CTIF: variants seen among roughly 807,000 people sequenced by gnomAD.
CTIF encodes cap binding complex dependent translation initiation factor.
A neutral mutation model predicts 66.0 loss-of-function variants in CTIF; 21 were observed. The observed-to-expected ratio is 0.32, with a 90% confidence interval of 0.23 to 0.46. The LOEUF is 0.46. CTIF is among the 20% of genes least tolerant of loss of function. The probability of loss-of-function intolerance (pLI) is 1.00; values close to 1 mark genes in which losing one functional copy is unlikely to be tolerated. For missense variants in CTIF, 739 were observed against 812.7 expected, an observed-to-expected ratio of 0.91 and a Z score of 1.10; for synonymous variants, 345 against 326.4, an observed-to-expected ratio of 1.06 and a Z score of -0.62.
At chr18:48,671,530 C>T (rs2091534509) in intron 6 of CTIF, among the ~76,000 whole-genome samples, 1 of 152,150 alleles carries the variant, frequency 6.6e-6, no homozygotes. Context: ...TTTGTTTCTT[C>T]TCTGTTCATG....
chr18:48,788,461 G>C (rs1911916855), intron 9 of CTIF, among the ~76,000 whole-genome samples: 1 of 152,156 alleles, frequency 6.6e-6, no homozygotes, highest in African/African-American at 2.4e-5. Context: ...AAGCCACTGA[G>C]GGCCTTTTAG....
intron 3 of CTIF, among the ~76,000 whole-genome samples, chr18:48,663,021 G>A (rs1354513010): frequency 6.6e-6 from 1 of 152,122 alleles, no homozygotes; most frequent in East Asian, 1.9e-4. Flanking sequence ...GTTTATACCT[G>A]GGAGTGAATT....
chr18:48,667,187 A>G (rs932958893), intron 5 of CTIF, among the ~76,000 whole-genome samples: 3 of 152,162 alleles, frequency 2.0e-5, no homozygotes, highest in African/African-American at 7.2e-5. Context: ...GAACCTATTC[A>G]TGATGGAGAC....
chr18:48,624,122 A>ATGCTTGACACCACGCCCCTCCCCC (rs2090550851), intron 2 of CTIF, among the ~76,000 whole-genome samples: 1 of 17,258 alleles, frequency 5.8e-5, no homozygotes, highest in South Asian at 1.7e-3. Flanking sequence ...ACCCCTCCCC[A>ATGCTTGACACCACGCCCCTCCCCC]TGCTTGACAC....
At chr18:48,730,297 C>CTGCGGTG (rs2092429766) in intron 7 of CTIF, among the ~76,000 whole-genome samples, 1 of 146,854 alleles carries the variant, frequency 6.8e-6, no homozygotes. Flanking sequence ...TGAGGGGCCC[C>CTGCGGTG]TGAGGTGTGA....
intron 10 of CTIF, among the ~76,000 whole-genome samples, chr18:48,853,736 C>A (rs372794121): frequency 9.0e-4 from 137 of 152,356 alleles, no homozygotes; most frequent in African/African-American, 3.1e-3. Flanking sequence ...CCAAGCCTGC[C>A]GTGGGTCCTC....
chr18:48,684,476 A>G (rs2091802920), intron 6 of CTIF, among the ~76,000 whole-genome samples: 1 of 152,086 alleles, frequency 6.6e-6, no homozygotes, highest in Non-Finnish European at 1.5e-5. Flanking sequence ...CTAGTATACT[A>G]TTATTATACT....
At chr18:48,837,354 C>T (rs940522063) in intron 10 of CTIF, among the ~76,000 whole-genome samples, 2 of 151,884 alleles carry the variant, frequency 1.3e-5, no homozygotes, top group Non-Finnish European at 2.9e-5. Flanking sequence ...GCACACATCC[C>T]CACTCAGAGG....
intron 1 of CTIF, among the ~76,000 whole-genome samples, chr18:48,599,225 C>G (rs374432926): frequency 1.3e-5 from 2 of 152,094 alleles, no homozygotes; most frequent in African/African-American, 2.4e-5. Flanking sequence ...GCATGCCCTC[C>G]GTATGTCCAG....
intron 7 of CTIF, among the ~76,000 whole-genome samples, chr18:48,751,777 A>G (rs989809831): frequency 2.0e-5 from 3 of 152,126 alleles, no homozygotes; most frequent in Non-Finnish European, 4.4e-5. Context: ...CAGCTTTGTC[A>G]CACAAACACC....
chr18:48,757,606 T>C (rs113170086), intron 7 of CTIF, among the ~76,000 whole-genome samples: 1 of 152,344 alleles, frequency 6.6e-6, no homozygotes, highest in African/African-American at 2.4e-5. Context: ...TTCACTGTTA[T>C]CTGCTACTGG....
rs76339935 is a variant in CTIF, at chr18:48,766,376, T to A, written c.1371+4687T>A. Among the ~76,000 whole-genome samples the A allele has an allele frequency of 2.2e-4, 34 of 152,262 alleles. No individual in the cohort carries two copies. The East Asian group carries it at 5.8e-3, about 26-fold the overall frequency. On this transcript the variant is annotated intron_variant, in intron 9 of 11. Coordinates refer to ENST00000256413, the MANE Select transcript of CTIF (RefSeq NM_014772.3). ...GTAGGTGGTGGCTCTGTTTCATAGATGGGCAAACTAAGGCACAGTCTGTCA... is the reference window on the plus strand; with the variant it reads ...GTAGGTGGTGGCTCTGTTTCATAGAAGGGCAAACTAAGGCACAGTCTGTCA...
intron 2 of CTIF, chr18:48,625,343 C>A: frequency 3.2e-6 from 1 of 308,916 alleles, no homozygotes; most frequent in Non-Finnish European, 4.7e-6. Flanking sequence ...TTTATGCATA[C>A]ATTCCCATAG....
intron 7 of CTIF, among the ~76,000 whole-genome samples, chr18:48,731,308 C>T (rs1363891992): frequency 6.6e-6 from 1 of 152,044 alleles, no homozygotes; most frequent in Non-Finnish European, 1.5e-5. Context: ...AGCTGATGGG[C>T]ATCACTGGGA....
At position 48,730,479 on chromosome 18, in the gene CTIF, G is replaced by A. The variant is rs1306576840; in HGVS notation, c.584+18784G>A. 1.2e-4 allele frequency among the ~76,000 whole-genome samples: 16 copies of A among 130,326 alleles called. 1 individual carries two copies. The highest frequency in any genetic ancestry group is 1.5e-4 in the Admixed American group (2 of 13,262). 85.5% of individuals were successfully genotyped at this position (130,326 alleles called of 152,430 possible). Reference sequence around the variant, plus strand: ...GGCTTCCGCGGTGTGAGGGGCTTCCGCGGTGTGAGGGGCTTCTGCGGTGTG... The same window carrying A: ...GGCTTCCGCGGTGTGAGGGGCTTCCACGGTGTGAGGGGCTTCTGCGGTGTG... On this transcript the variant is annotated intron_variant, in intron 7 of 11. Transcript: ENST00000256413.
At chr18:48,755,503 C>G (rs895882031) in intron 7 of CTIF, among the ~76,000 whole-genome samples, 1 of 152,208 alleles carries the variant, frequency 6.6e-6, no homozygotes, top group African/African-American at 2.4e-5. Context: ...AAGGGCCCCA[C>G]TTTTCTCATG....
chr18:48,635,912 G>T (rs1414650920), intron 2 of CTIF, among the ~76,000 whole-genome samples: 1 of 152,188 alleles, frequency 6.6e-6, no homozygotes, highest in Non-Finnish European at 1.5e-5. Flanking sequence ...GTGGCTCCCA[G>T]ACTCCCAATG....
intron 1 of CTIF, among the ~76,000 whole-genome samples, chr18:48,615,571 G>C (rs908430681): frequency 6.6e-6 from 1 of 152,242 alleles, no homozygotes. Context: ...GCCACTGTGG[G>C]CCACGGGGCT....
intron 10 of CTIF, among the ~76,000 whole-genome samples, chr18:48,853,575 C>T (rs556013492): frequency 1.6e-4 from 24 of 152,344 alleles, no homozygotes; most frequent in Non-Finnish European, 2.1e-4. Flanking sequence ...CATCCCAAAA[C>T]GATTTCTTTT....
Sources: allele counts gnomAD v4.1 joint callset (sites outside exome capture counted in the v4.1 genomes callset), GRCh38; gene constraint gnomAD v4.1.1; transcripts MANE v1.5; gene names NCBI Gene and HGNC (gene_info 2026-07-23, HGNC 2026-07-21).